The following VAV1 variants were observed in gnomAD, a reference collection of about 807,000 sequenced individuals.
VAV1 encodes the protein vav guanine nucleotide exchange factor 1.
VAV1 carries 33 observed loss-of-function variants against 128.1 expected under a neutral mutation model. That is an observed-to-expected ratio of 0.26 (90% confidence interval 0.20 to 0.34). VAV1 has a LOEUF of 0.34. Among genes scored for constraint, VAV1 ranks in the 10% least tolerant of loss-of-function variants. VAV1 has a pLI of 1.00. For synonymous variants in VAV1, 394 were observed against 409.8 expected, an observed-to-expected ratio of 0.96 and a Z score of 0.47; for missense variants, 715 against 1,093.7, an observed-to-expected ratio of 0.65 and a Z score of 4.88.
intron 14 of VAV1, among the ~76,000 whole-genome samples, 164 bp from the exon 15 acceptor site, chr19:6,831,927 T>C: frequency 6.7e-6 from 1 of 150,028 alleles, no homozygotes; most frequent in East Asian, 2.0e-4. Flanking sequence ...GTTGTGTATT[T>C]GGATATCCTA....
intron 1 of VAV1, among the ~76,000 whole-genome samples, chr19:6,788,958 G>T (rs928381250): frequency 6.6e-6 from 1 of 152,198 alleles, no homozygotes; most frequent in Admixed American, 6.5e-5. Context: ...ATGTGGGGCC[G>T]GATCATTTTC....
At chr19:6,846,088 AT>A (rs1274846644) in intron 22 of VAV1, among the ~76,000 whole-genome samples, 1 of 149,124 alleles carries the variant, frequency 6.7e-6, no homozygotes, top group Non-Finnish European at 1.5e-5. Flanking sequence ...TATATGTTAC[AT>A]TTATGTCATA....
intron 19 of VAV1, 56 bp downstream of exon 19, chr19:6,834,009 G>A (rs899648397): frequency 6.2e-6 from 10 of 1,610,664 alleles, no homozygotes; most frequent in Non-Finnish European, 8.5e-6. Context: ...CTCTATTGAT[G>A]TTGACCCAGG....
At chr19:6,807,448 G>A (rs183250071) in intron 1 of VAV1, among the ~76,000 whole-genome samples, 1 of 152,248 alleles carries the variant, frequency 6.6e-6, no homozygotes, top group East Asian at 1.9e-4. Context: ...GATCTGACAG[G>A]AGGTGGGGCT....
intron 1 of VAV1, chr19:6,784,054 G>C: frequency 2.5e-6 from 1 of 401,962 alleles, no homozygotes. Context: ...AGGAATTCGA[G>C]ACCAGCCTGG....
At chr19:6,798,819 T>C (rs573152237) in intron 1 of VAV1, among the ~76,000 whole-genome samples, 48 of 152,212 alleles carry the variant, frequency 3.2e-4, no homozygotes, top group African/African-American at 1.1e-3. Context: ...CCTGATTTGA[T>C]AAATTTTGAC....
intron 22 of VAV1, among the ~76,000 whole-genome samples, chr19:6,844,995 G>T (rs162727): frequency 0.74 from 112,522 of 151,910 alleles, 43,215 homozygotes; most frequent in Non-Finnish European, 0.84. Flanking sequence ...TATTCAAAAT[G>T]TTGATGTTTG....
chr19:6,828,666 A>C lies in VAV1; in HGVS notation c.1137A>C (p.Thr379=). ...CVNEVKRDNE[T]LRQITNFQLS... is the part of the protein sequence containing the mutation. ...ACGAGGTCAAGCGAGACAACGAGAC[A>C]CTGCGACAGATCACCAATTTCCAGC... The change falls in exon 12 of 27, where the codon ACA becomes ACC. Residue 379 remains threonine (T), a synonymous_variant. Transcript: ENST00000602142. The surrounding 1 kb of genome is among the most constrained non-coding windows in gnomAD (Gnocchi z 4.5). 6.2e-7 allele frequency: 1 copy of C among 1,614,154 alleles called. No homozygotes were observed. The highest frequency in any genetic ancestry group is 8.5e-7 in the Non-Finnish European group (1 of 1,180,026).
chr19:6,834,445 T>C (rs1416910502), intron 19 of VAV1, among the ~76,000 whole-genome samples: 1 of 151,562 alleles, frequency 6.6e-6, no homozygotes, highest in Non-Finnish European at 1.5e-5. Flanking sequence ...GGTTTCACCA[T>C]GTTGGGCAGG....
intron 1 of VAV1, among the ~76,000 whole-genome samples, chr19:6,783,898 G>A (rs937413455): frequency 2.0e-5 from 3 of 152,066 alleles, no homozygotes; most frequent in African/African-American, 2.4e-5. Flanking sequence ...AGTCACTGCC[G>A]TAGAACCTCA....
chr19:6,852,652 C>T (rs1348354271), intron 24 of VAV1, among the ~76,000 whole-genome samples: 6 of 150,818 alleles, frequency 4.0e-5, no homozygotes, highest in Non-Finnish European at 7.4e-5. Flanking sequence ...ACCCTGGAGG[C>T]GGAGCTTGCA....
chr19:6,807,176 C>T (rs75014155), intron 1 of VAV1, among the ~76,000 whole-genome samples: 11,235 of 152,150 alleles, frequency 0.074, 553 homozygotes, highest in African/African-American at 0.12. Flanking sequence ...GATTCAAATG[C>T]GTTACATTTA....
Position 6,829,766 on chromosome 19 carries a change from T to G in VAV1, c.1266-20T>G, listed in dbSNP as rs750181509. The G allele has an allele frequency of 6.2e-6, 10 of 1,613,624 alleles. No homozygotes were observed. The highest frequency in any genetic ancestry group is 5.3e-5 in the African/African-American group (4 of 74,894). On this transcript the variant is annotated intron_variant, in intron 13 of 26. Coordinates refer to ENST00000602142, the MANE Select transcript of VAV1 (RefSeq NM_005428.4). ...ACAGTTGGGAAGAGCCAGACAGGAA[T>G]GCGTTATCCATCCTTCCAGGTATGC...
intron 1 of VAV1, chr19:6,784,116 T>C (rs1222047551): frequency 4.6e-6 from 2 of 435,270 alleles, no homozygotes; most frequent in African/African-American, 2.0e-5. Context: ...AAGCCCGGCA[T>C]GGTGGTGCAC....
At chr19:6,774,428 T>G (rs1209084616) in intron 1 of VAV1, among the ~76,000 whole-genome samples, 1 of 82,612 alleles carries the variant, frequency 1.2e-5, no homozygotes, top group African/African-American at 6.0e-5. Context: ...GCGCCCAGCC[T>G]TTTTTTTTTT....
intron 26 of VAV1, among the ~76,000 whole-genome samples, chr19:6,855,807 A>G (rs559029676): frequency 0.019 from 183 of 9,758 alleles, no homozygotes; most frequent in Middle Eastern, 0.1. Context: ...CCATTCATCT[A>G]TCTATCTATC....
chr19:6,822,386 C>G lies in VAV1; in HGVS notation c.559-33C>G. 1.3e-6 allele frequency: 2 copies of G among 1,552,686 alleles called. No homozygotes were observed. The highest frequency in any genetic ancestry group is 2.4e-5 in the South Asian group (2 of 84,380). On this transcript the variant is annotated intron_variant, in intron 5 of 26. Transcript: ENST00000602142. This position sits in a 1 kb window ranked among gnomAD's most constrained non-coding sequence, Gnocchi z 5.9. Reference sequence around the variant, plus strand: ...GGCGTGGGCGGGGGGCAGCCCCAGGCCCCCCAACACCGGCCTCTCCCCTCG... The same window carrying G: ...GGCGTGGGCGGGGGGCAGCCCCAGGGCCCCCAACACCGGCCTCTCCCCTCG...
At chr19:6,853,427 C>A (rs1056761870) in intron 25 of VAV1, among the ~76,000 whole-genome samples, 28 of 151,988 alleles carry the variant, frequency 1.8e-4, no homozygotes, top group African/African-American at 6.7e-4. Flanking sequence ...AAATTCCAAA[C>A]CAGTCTTATT....
At chr19:6,846,035 G>T (rs1972512571) in intron 22 of VAV1, among the ~76,000 whole-genome samples, 1 of 148,322 alleles carries the variant, frequency 6.7e-6, no homozygotes, top group South Asian at 2.1e-4. Flanking sequence ...TATGTTAGGT[G>T]ACATAAAATT....
Sources: allele counts gnomAD v4.1 joint callset (sites outside exome capture counted in the v4.1 genomes callset), GRCh38; gene constraint gnomAD v4.1.1; non-coding constraint Gnocchi (gnomAD v3.1); transcripts MANE v1.5; gene names NCBI Gene and HGNC (gene_info 2026-07-23, HGNC 2026-07-21).